Variants in ZFP41 observed in about 807,000 individuals in gnomAD.
ZFP41 encodes ZFP41 zinc finger protein.
In ZFP41, 10 loss-of-function variants were observed where a neutral mutation model predicts 11.6. The ratio of observed to expected loss-of-function variants is 0.86; its 90% CI spans 0.53 to 1.47. ZFP41 has a LOEUF of 1.47. Ranked by LOEUF, ZFP41 falls within the 40% of genes most tolerant of loss-of-function variation. The probability of loss-of-function intolerance (pLI) is 0.00; values close to 1 mark genes in which losing one functional copy is unlikely to be tolerated. For synonymous variants in ZFP41, 123 were observed against 100.9 expected (o/e 1.22, Z -1.31); for missense variants, 302 against 264.6 (o/e 1.14, Z -0.98).
At chr8:143,255,319 G>A (rs1276839455) in intron 2 of ZFP41, among the ~76,000 whole-genome samples, 2 of 152,230 alleles carry the variant, frequency 1.3e-5, no homozygotes, top group Non-Finnish European at 2.9e-5. Flanking sequence ...GGGTTGCCAA[G>A]AACAAGAACC....
At chr8:143,256,956 C>A (rs1324994565) in intron 2 of ZFP41, among the ~76,000 whole-genome samples, 1 of 152,230 alleles carries the variant, frequency 6.6e-6, no homozygotes, top group Non-Finnish European at 1.5e-5. Context: ...CTAGGCTGAC[C>A]TCTGCTTCGG....
intron 2 of ZFP41, among the ~76,000 whole-genome samples, chr8:143,256,414 C>T (rs1019603616): frequency 7.2e-5 from 11 of 151,732 alleles, no homozygotes; most frequent in African/African-American, 2.4e-4. Context: ...GCTCGCCCCG[C>T]GTGCTGGTGT....
Position 143,250,138 on chromosome 8 carries a change from AAGAC to A in ZFP41, c.300_303del (p.Asp101ThrfsTer58), listed in dbSNP as rs771004269. On this transcript the variant is annotated frameshift_variant, in exon 2 of 3. Transcript: ENST00000330701. LOFTEE classifies it high-confidence loss of function. ...TGAGTGTGGGCGGATCTTTAAGCAC[AAGAC>A]AGACCACATTCGCCATCAGAGGGTC... 6.2e-7 allele frequency: 1 copy of A among 1,614,194 alleles called. No individual in the cohort carries two copies. Among genetic ancestry groups the A allele is most frequent in the Admixed American group, 1.7e-5 (1 of 60,020 alleles).
rs1214029233 is a variant in ZFP41, at chr8:143,261,961, C to T, written c.*3087C>T. On this transcript the variant is annotated 3_prime_UTR_variant, in exon 3 of 3. Transcript: ENST00000330701. Reference sequence around the variant, plus strand: ...CGGCAGCACCTGCCACGCCCGTCTCCGGCAGCCCCTGCCCGCACCCGCACC... The same window carrying T: ...CGGCAGCACCTGCCACGCCCGTCTCTGGCAGCCCCTGCCCGCACCCGCACC... The T allele has an allele frequency of 9.6e-6, 2 of 208,624 alleles. No individual in the cohort carries two copies. The highest frequency in any genetic ancestry group is 1.9e-5 in the Non-Finnish European group (2 of 107,828). The allele number at this position is 208,624 out of a possible 1,614,324, so 12.9% of individuals were successfully genotyped here.
Position 143,250,050 on chromosome 8 carries a change from A to G in ZFP41, c.207A>G (p.Lys69=). The change falls in exon 2 of 3, where the codon AAA becomes AAG. Residue 69 remains lysine, a synonymous_variant. Coordinates refer to ENST00000330701, the MANE Select transcript of ZFP41 (RefSeq NM_173832.6). ...HVFDAFDASF[K]DDFEGVPVFI... is the part of the protein sequence containing the mutation. ...TTGATGCCTTCGACGCTTCATTTAA[A>G]GATGACTTTGAGGGGGTTCCCGTGT... The G allele has an allele frequency of 1.2e-6, 2 of 1,614,208 alleles. No homozygotes were observed. Among genetic ancestry groups the G allele is most frequent in the Non-Finnish European group, 1.7e-6 (2 of 1,180,038 alleles).
chr8:143,252,780 A>T, intron 2 of ZFP41: 12 of 213,412 alleles, frequency 5.6e-5, no homozygotes, highest in Non-Finnish European at 9.6e-5. Context: ...TGCCGTCAGC[A>T]TGGGGGTGAG....
At position 143,250,931 on chromosome 8, in the gene ZFP41, G is replaced by C. The variant is rs1004787014; in HGVS notation, c.*491G>C. ...TGGACTCTCTGCCCTCTGGGTCCCC[G>C]AGCTCTGCAGCGAGCCCTGGGACCA... On this transcript the variant is annotated 3_prime_UTR_variant, in exon 2 of 3. Coordinates refer to ENST00000330701, the MANE Select transcript of ZFP41 (RefSeq NM_173832.6). The C allele has an allele frequency of 5.7e-6, 1 of 176,786 alleles. No homozygotes were observed. Among genetic ancestry groups the C allele is most frequent in the African/African-American group, 2.4e-5 (1 of 41,742 alleles). 11.0% of individuals were successfully genotyped at this position (176,786 alleles called of 1,614,324 possible). A position where few individuals can be genotyped will look rare whatever the true frequency, so the allele number is the denominator to read the frequency against.
In ZFP41 at chr8:143,250,939, C is replaced by T. The variant is rs1370518907; in HGVS notation, c.*499C>T. The T allele has an allele frequency of 1.7e-5, 3 of 175,856 alleles. No individual in the cohort carries two copies. Among genetic ancestry groups the T allele is most frequent in the Non-Finnish European group, 2.7e-5 (2 of 73,250 alleles). 10.9% of individuals were successfully genotyped at this position (175,856 alleles called of 1,614,324 possible). A position where few individuals can be genotyped will look rare whatever the true frequency, so the allele number is the denominator to read the frequency against. ...CTGCCCTCTGGGTCCCCGAGCTCTG[C>T]AGCGAGCCCTGGGACCACTCATCCC... On this transcript the variant is annotated 3_prime_UTR_variant, in exon 2 of 3. Transcript: ENST00000330701.
intron 2 of ZFP41, chr8:143,252,536 A>G (rs936328477): frequency 4.2e-6 from 2 of 481,534 alleles, no homozygotes; most frequent in Non-Finnish European, 5.4e-6. Context: ...CAGGTGAACC[A>G]CCAGAGGGGA....
chr8:143,255,464 C>T (rs1056166243), intron 2 of ZFP41, among the ~76,000 whole-genome samples: 6 of 150,110 alleles, frequency 4.0e-5, no homozygotes, highest in Non-Finnish European at 8.9e-5. Context: ...GCTCACCCCG[C>T]GTCTAGTGTT....
intron 2 of ZFP41, among the ~76,000 whole-genome samples, chr8:143,258,143 G>A (rs185500688): frequency 6.6e-6 from 1 of 152,274 alleles, no homozygotes; most frequent in East Asian, 1.9e-4. Context: ...CTGGGCAACA[G>A]AGTGAGATTT....
rs543572699 is a variant in ZFP41, at chr8:143,257,251, G to A, written c.*901-2524G>A. Reference sequence around the variant, plus strand: ...TCACGCCTATAATCCCAGCACTTTGGGAGGCCAAGGCAGGCAGATCACCTG... The same window carrying A: ...TCACGCCTATAATCCCAGCACTTTGAGAGGCCAAGGCAGGCAGATCACCTG... On this transcript the variant is annotated intron_variant, in intron 2 of 2. Transcript: ENST00000330701. 2.0e-5 allele frequency among the ~76,000 whole-genome samples: 3 copies of A among 152,342 alleles called. No homozygotes were observed. The East Asian group carries it at 5.8e-4, about 29-fold the overall frequency.
Position 143,250,246 on chromosome 8 carries a change from A to C in ZFP41, c.403A>C (p.Arg135=). 6.2e-7 allele frequency: 1 copy of C among 1,614,112 alleles called. No homozygotes were observed. Among genetic ancestry groups the C allele is most frequent in the Non-Finnish European group, 8.5e-7 (1 of 1,180,024 alleles). ...RHSSDVTKHQ[R]THTGEKPFKC... The stretch of plus-strand genomic sequence containing the variant: ...CAGCTCTGACGTCACCAAACACCAG[A>C]GGACTCACACGGGAGAGAAGCCCTT... Residue 135 remains arginine (R), a synonymous_variant, in exon 2 of 3, where the codon AGG becomes CGG. Transcript: ENST00000330701.
intron 2 of ZFP41, among the ~76,000 whole-genome samples, chr8:143,251,708 C>G (rs1814764912): frequency 6.6e-6 from 1 of 152,192 alleles, no homozygotes; most frequent in Admixed American, 6.5e-5. Context: ...GCAGTCCTGT[C>G]TGGGTGGAAA....
chr8:143,258,110 G>A (rs181036482), intron 2 of ZFP41, among the ~76,000 whole-genome samples: 1 of 152,330 alleles, frequency 6.6e-6, no homozygotes, highest in East Asian at 1.9e-4. Flanking sequence ...AGGATCGATT[G>A]AGCTCAGGAG....
intron 2 of ZFP41, 140 bp from the exon 3 acceptor site, chr8:143,259,635 C>G (rs951168842): frequency 6.6e-6 from 1 of 151,976 alleles, no homozygotes; most frequent in Admixed American, 6.5e-5. Context: ...CCCTGGCCTC[C>G]GTTGCCCACA....
chr8:143,253,120 C>T (rs1367885698), intron 2 of ZFP41: 1 of 151,722 alleles, frequency 6.6e-6, no homozygotes, highest in African/African-American at 2.4e-5. Flanking sequence ...GTTTGGCCGA[C>T]CTGGATTGTA....
intron 2 of ZFP41, chr8:143,252,511 C>G (rs1467389452): frequency 3.7e-6 from 1 of 271,222 alleles, no homozygotes; most frequent in Non-Finnish European, 5.6e-6. Flanking sequence ...GAGGGGCCTC[C>G]CCAGCGCAGG....
rs1816772692 is a variant in ZFP41, at chr8:143,250,150, A to G, written c.307A>G (p.Ile103Val). ...GRIFKHKTDH[I>V]RHQRVHTGEK... ...GATCTTTAAGCACAAGACAGACCAC[A>G]TTCGCCATCAGAGGGTCCACACTGG... Residue 103 changes from isoleucine (I) to valine (V), a missense_variant, in exon 2 of 3, where the codon ATT becomes GTT. Transcript: ENST00000330701. The G allele has an allele frequency of 1.9e-6, 3 of 1,614,074 alleles. No individual in the cohort carries two copies. Among genetic ancestry groups the G allele is most frequent in the Admixed American group, 1.7e-5 (1 of 60,004 alleles).
Sources: gnomAD v4.1 joint callset for allele counts (sites outside exome capture counted in the v4.1 genomes callset) on GRCh38, gnomAD v4.1.1 for gene constraint, MANE v1.5 for transcripts, NCBI Gene and HGNC (gene_info 2026-07-23, HGNC 2026-07-21) for gene names.